HS3ST4: variants seen among roughly 807,000 people sequenced by gnomAD.
HS3ST4 encodes the protein heparan sulfate-glucosamine 3-sulfotransferase 4, also known as heparan sulfate glucosamine 3-O-sulfotransferase 4.
Under a neutral mutation model 29.2 loss-of-function variants are expected in HS3ST4, and 17 were observed. That is an observed-to-expected ratio of 0.58 (90% CI 0.40 to 0.87). The LOEUF (loss-of-function observed/expected upper bound fraction) is 0.87. Among genes scored for constraint, HS3ST4 ranks in the 40% least tolerant of loss-of-function variants. The pLI is 0.00. For synonymous variants in HS3ST4, 314 were observed against 285.7 expected (o/e 1.10, Z -1.00); for missense variants, 627 against 634.5 (o/e 0.99, Z 0.13).
intron 1 of HS3ST4, 121 bp downstream of exon 1, chr16:25,693,272 G>C (rs1293380551): frequency 2.7e-6 from 3 of 1,118,372 alleles, no homozygotes; most frequent in Non-Finnish European, 3.7e-6. Context: ...GCCCCCGCGA[G>C]GGCTCTGCAA....
chr16:25,984,235 G>A (rs780971506), intron 1 of HS3ST4, among the ~76,000 whole-genome samples: 79 of 152,212 alleles, frequency 5.2e-4, no homozygotes, highest in Non-Finnish European at 9.6e-4. Context: ...TTGGAACCTG[G>A]GACTGGTGGA....
chr16:25,823,318 A>G (rs978834466), intron 1 of HS3ST4, among the ~76,000 whole-genome samples: 1 of 152,198 alleles, frequency 6.6e-6, no homozygotes, highest in Non-Finnish European at 1.5e-5. Flanking sequence ...CTTCTCAAAG[A>G]CAAAAGCAAG....
chr16:25,962,127 G>T (rs1218103520), intron 1 of HS3ST4, among the ~76,000 whole-genome samples: 1 of 152,138 alleles, frequency 6.6e-6, no homozygotes, highest in Non-Finnish European at 1.5e-5. Flanking sequence ...CTCTTTAGAA[G>T]AACTTTTGGT....
At chr16:26,036,481 A>G (rs995312872) in intron 1 of HS3ST4, among the ~76,000 whole-genome samples, 1 of 152,174 alleles carries the variant, frequency 6.6e-6, no homozygotes, top group South Asian at 2.1e-4. Flanking sequence ...TGTCTGTATC[A>G]GATCTCCTGG....
chr16:25,828,441 A>G (rs1967258947), intron 1 of HS3ST4, among the ~76,000 whole-genome samples: 1 of 150,304 alleles, frequency 6.7e-6, no homozygotes, highest in Non-Finnish European at 1.5e-5. Context: ...CCTGGGTTCA[A>G]GCAATTCTCC....
intron 1 of HS3ST4, among the ~76,000 whole-genome samples, chr16:25,768,730 T>C (rs1243647817): frequency 6.6e-6 from 1 of 152,180 alleles, no homozygotes; most frequent in East Asian, 1.9e-4. Context: ...GAGATGGTTA[T>C]ATATCAGAAA....
intron 1 of HS3ST4, among the ~76,000 whole-genome samples, chr16:25,873,278 T>TC (rs1967776434): frequency 8.1e-5 from 9 of 110,432 alleles, no homozygotes; most frequent in African/African-American, 1.3e-4. Flanking sequence ...ATTTGTCCAT[T>TC]CATCCATCCA....
chr16:26,047,467 T>C (rs1472169957), intron 1 of HS3ST4, among the ~76,000 whole-genome samples: 1 of 152,182 alleles, frequency 6.6e-6, no homozygotes, highest in Admixed American at 6.5e-5. Flanking sequence ...AGCTAGTCAT[T>C]TGTCAGTTGG....
At chr16:25,959,830 C>A (rs1440250335) in intron 1 of HS3ST4, among the ~76,000 whole-genome samples, 1 of 152,008 alleles carries the variant, frequency 6.6e-6, no homozygotes, top group Non-Finnish European at 1.5e-5. Context: ...TTAGTTCATG[C>A]AAGATCTGGT....
At chr16:26,111,203 C>T (rs559997561) in intron 1 of HS3ST4, among the ~76,000 whole-genome samples, 41 of 151,944 alleles carry the variant, frequency 2.7e-4, no homozygotes, top group African/African-American at 9.4e-4. Context: ...CTCAGCCTCC[C>T]GAGTAGCTGA....
intron 1 of HS3ST4, among the ~76,000 whole-genome samples, chr16:25,807,669 A>G (rs1431406736): frequency 8.5e-5 from 13 of 152,186 alleles, no homozygotes; most frequent in African/African-American, 2.7e-4. Context: ...TTCTAGAATA[A>G]ATGCCCAAGA....
chr16:25,710,808 C>CTTTTTTT (rs34759495), intron 1 of HS3ST4, among the ~76,000 whole-genome samples: 8 of 48,548 alleles, frequency 1.6e-4, no homozygotes, highest in Admixed American at 4.0e-4. Flanking sequence ...GCATATTATC[C>CTTTTTTT]TTTTTTTTTT....
intron 1 of HS3ST4, among the ~76,000 whole-genome samples, chr16:25,764,457 G>T: frequency 6.6e-6 from 1 of 152,230 alleles, no homozygotes; most frequent in East Asian, 1.9e-4. Context: ...CACCCTGTGT[G>T]TGTGTGTACA....
At chr16:26,047,618 T>C (rs1188930990) in intron 1 of HS3ST4, among the ~76,000 whole-genome samples, 1 of 152,140 alleles carries the variant, frequency 6.6e-6, no homozygotes, top group East Asian at 1.9e-4. Context: ...AGCTAGTAAA[T>C]GAAAAAGGCA....
At chr16:26,087,616 G>T (rs1211016291) in intron 1 of HS3ST4, among the ~76,000 whole-genome samples, 1 of 152,048 alleles carries the variant, frequency 6.6e-6, no homozygotes. Context: ...GACATCTCTT[G>T]CTTGGATTAT....
intron 1 of HS3ST4, among the ~76,000 whole-genome samples, chr16:25,741,695 T>C (rs2141597871): frequency 6.6e-6 from 1 of 152,276 alleles, no homozygotes; most frequent in African/African-American, 2.4e-5. Flanking sequence ...ACCACATATG[T>C]TGCTCTTGAG....
At chr16:25,900,820 G>A (rs1192576153) in intron 1 of HS3ST4, among the ~76,000 whole-genome samples, 2 of 151,872 alleles carry the variant, frequency 1.3e-5, no homozygotes, top group African/African-American at 4.8e-5. Context: ...GGAGAACTAG[G>A]GATTTTTTTC....
At chr16:25,827,693 T>C (rs1010782946) in intron 1 of HS3ST4, among the ~76,000 whole-genome samples, 3 of 152,176 alleles carry the variant, frequency 2.0e-5, no homozygotes. Context: ...TCCCTTACAT[T>C]AGATAATTTT....
Position 25,725,356 on chromosome 16 carries a change from C to T in HS3ST4, c.734+32205C>T, listed in dbSNP as rs959675918. On this transcript the variant is annotated intron_variant, in intron 1 of 1. Transcript: ENST00000331351. ...AATAGCCTTTCTTCCCCTTAGCCCC[C>T]GGTTTTTAACGTAAACATTGTACAT... 3.9e-5 allele frequency among the ~76,000 whole-genome samples: 6 copies of T among 152,094 alleles called. No individual in the cohort carries two copies. The South Asian group carries it at 8.3e-4, about 21-fold the overall frequency.
Sources: gnomAD v4.1 joint callset for allele counts (sites outside exome capture counted in the v4.1 genomes callset) on GRCh38, gnomAD v4.1.1 for gene constraint, MANE v1.5 for transcripts, NCBI Gene and HGNC (gene_info 2026-07-23, HGNC 2026-07-21) for gene names.